The following RAP1GAP2 variants were observed in gnomAD, a reference collection of about 807,000 sequenced individuals.
RAP1GAP2 encodes RAP1 GTPase activating protein 2.
A neutral mutation model predicts 95.0 loss-of-function variants in RAP1GAP2; 27 were observed. The ratio of observed to expected loss-of-function variants is 0.28; its 90% CI spans 0.21 to 0.39. The LOEUF (loss-of-function observed/expected upper bound fraction) is 0.39. RAP1GAP2 is among the 10% of genes least tolerant of loss of function. The pLI, the probability that RAP1GAP2 is intolerant of heterozygous loss-of-function variation, is 1.00. For synonymous variants in RAP1GAP2, 373 were observed against 380.9 expected (o/e 0.98, Z 0.24); for missense variants, 771 against 970.0 (o/e 0.79, Z 2.72).
intron 2 of RAP1GAP2, among the ~76,000 whole-genome samples, chr17:2,815,899 C>T (rs2069997526): frequency 1.3e-5 from 2 of 152,246 alleles, no homozygotes; most frequent in Admixed American, 6.5e-5. Context: ...TGTACCGGGA[C>T]CCAGGCCTCC....
At chr17:2,913,534 C>T (rs546715760) in intron 3 of RAP1GAP2, among the ~76,000 whole-genome samples, 19 of 152,292 alleles carry the variant, frequency 1.2e-4, no homozygotes, top group Middle Eastern at 3.4e-3. Context: ...GGTGATCCGC[C>T]GGCCTCAGCC....
At chr17:2,948,139 C>A (rs934098191) in intron 3 of RAP1GAP2, among the ~76,000 whole-genome samples, 1 of 152,198 alleles carries the variant, frequency 6.6e-6, no homozygotes, top group African/African-American at 2.4e-5. Context: ...TGTGGTCCTG[C>A]CACAGCTCTG....
chr17:2,833,565 C>T (rs2070997825), intron 2 of RAP1GAP2, among the ~76,000 whole-genome samples: 1 of 151,680 alleles, frequency 6.6e-6, no homozygotes, highest in East Asian at 2.0e-4. Flanking sequence ...TGGCGGGCGC[C>T]TGTAGTCCCA....
chr17:2,881,134 G>T (rs575179618), intron 2 of RAP1GAP2, among the ~76,000 whole-genome samples: 1 of 152,130 alleles, frequency 6.6e-6, no homozygotes, highest in South Asian at 2.1e-4. Flanking sequence ...GGTGGTGCAC[G>T]CCTGTAATCC....
chr17:2,918,971 A>T (rs1179952036), intron 3 of RAP1GAP2, among the ~76,000 whole-genome samples: 1 of 152,200 alleles, frequency 6.6e-6, no homozygotes, highest in African/African-American at 2.4e-5. Flanking sequence ...ATGTGCGGAG[A>T]ATAGCAATGC....
intron 2 of RAP1GAP2, among the ~76,000 whole-genome samples, chr17:2,887,012 A>T (rs537785767): frequency 6.6e-6 from 1 of 152,358 alleles, no homozygotes; most frequent in South Asian, 2.1e-4. Context: ...AATAACGTAC[A>T]TAAAGAGTTT....
rs146593635 is a variant in RAP1GAP2 at position 2,913,502 on chromosome 17, T to G, written c.165+8134T>G. ...TGGGGTTTCACCATGTTGGTCAGGC[T>G]GCTCTCAAACTCCTGACCTCAGGTG... On this transcript the variant is annotated intron_variant, in intron 3 of 24. Transcript: ENST00000254695. Among the ~76,000 whole-genome samples the G allele has an allele frequency of 4.6e-3, 698 of 152,256 alleles. 3 individuals carry two copies. The highest frequency in any genetic ancestry group is 0.011 in the South Asian group (52 of 4,826).
At chr17:2,791,381 C>T (rs1203949604) in intron 1 of RAP1GAP2, among the ~76,000 whole-genome samples, 1 of 152,066 alleles carries the variant, frequency 6.6e-6, no homozygotes, top group South Asian at 2.1e-4. Flanking sequence ...AGAGAAGGAG[C>T]CCGTCCAGCC....
chr17:2,835,164 C>T (rs949386965), intron 2 of RAP1GAP2, among the ~76,000 whole-genome samples: 2 of 149,840 alleles, frequency 1.3e-5, no homozygotes, highest in Non-Finnish European at 3.0e-5. Flanking sequence ...CCTTGTGATC[C>T]ACCTGCCTTG....
At chr17:2,846,043 C>T (rs1333187866) in intron 2 of RAP1GAP2, among the ~76,000 whole-genome samples, 1 of 151,522 alleles carries the variant, frequency 6.6e-6, no homozygotes, top group African/African-American at 2.4e-5. Context: ...ATTAGTCGAG[C>T]GTGGTATTGG....
At chr17:3,007,405 A>T (rs1436755277) in intron 16 of RAP1GAP2, among the ~76,000 whole-genome samples, 1 of 152,076 alleles carries the variant, frequency 6.6e-6, no homozygotes, top group Non-Finnish European at 1.5e-5. Context: ...AATGCAGGAG[A>T]GATGACAAAG....
chr17:2,910,738 T>G (rs1435906987), intron 3 of RAP1GAP2, among the ~76,000 whole-genome samples: 1 of 152,200 alleles, frequency 6.6e-6, no homozygotes, highest in East Asian at 1.9e-4. Flanking sequence ...TTTATATTTA[T>G]TTTTTGAGAC....
intron 2 of RAP1GAP2, among the ~76,000 whole-genome samples, chr17:2,854,256 G>T (rs937491135): frequency 6.6e-6 from 1 of 152,190 alleles, no homozygotes; most frequent in Non-Finnish European, 1.5e-5. Flanking sequence ...TCGGAGCTTC[G>T]CCCCGGACCC....
chr17:2,813,100 C>T (rs1311227870), intron 2 of RAP1GAP2, among the ~76,000 whole-genome samples: 29 of 147,766 alleles, frequency 2.0e-4, no homozygotes, highest in African/African-American at 7.0e-4. Flanking sequence ...GAGATGGAGT[C>T]TCGCCCTGTC....
intron 1 of RAP1GAP2, among the ~76,000 whole-genome samples, chr17:2,798,640 T>G (rs1597327729): frequency 1.4e-5 from 1 of 71,322 alleles, no homozygotes. Flanking sequence ...GCAGACAAGG[T>G]GATGAGGGTG....
At chr17:2,905,808 GT>G (rs2042178804) in intron 3 of RAP1GAP2, among the ~76,000 whole-genome samples, 1 of 152,194 alleles carries the variant, frequency 6.6e-6, no homozygotes, top group Admixed American at 6.5e-5. Context: ...CCATGGAAGG[GT>G]TGGCTGGAGG....
At chr17:2,913,419 G>T (rs1014652210) in intron 3 of RAP1GAP2, among the ~76,000 whole-genome samples, 1 of 152,034 alleles carries the variant, frequency 6.6e-6, no homozygotes, top group Admixed American at 6.5e-5. Flanking sequence ...CTCCCGAGTA[G>T]CTGGGATTAC....
chr17:2,924,346 G>A (rs568557933), intron 3 of RAP1GAP2, among the ~76,000 whole-genome samples: 4 of 152,276 alleles, frequency 2.6e-5, no homozygotes, highest in African/African-American at 7.2e-5. Context: ...AGCCCATCCC[G>A]GGAGCGAATA....
At chr17:2,905,214 C>T (rs62089741) in intron 2 of RAP1GAP2, 70 bp from the exon 3 acceptor site, 122,946 of 1,415,938 alleles carry the variant, frequency 0.087, 6,276 homozygotes, top group Admixed American at 0.15. Context: ...TCCGAGAGCC[C>T]AGTCACTCTT....
Sources: gnomAD v4.1 joint callset for allele counts (sites outside exome capture counted in the v4.1 genomes callset) on GRCh38, gnomAD v4.1.1 for gene constraint, MANE v1.5 for transcripts, NCBI Gene and HGNC (gene_info 2026-07-23, HGNC 2026-07-21) for gene names.